KLRG1: variants seen among roughly 807,000 people sequenced by gnomAD.
The protein encoded by KLRG1 is killer cell lectin-like receptor subfamily G member 1.
In KLRG1, 16 loss-of-function variants were observed where a neutral mutation model predicts 21.8. The ratio of observed to expected loss-of-function variants is 0.73; its 90% CI spans 0.50 to 1.11. The LOEUF (loss-of-function observed/expected upper bound fraction) is 1.11. Ranked by LOEUF, KLRG1 falls within the 50% of genes most tolerant of loss-of-function variation. The pLI, the probability that KLRG1 is intolerant of heterozygous loss-of-function variation, is 0.00. For synonymous variants in KLRG1, 69 were observed against 75.9 expected, an observed-to-expected ratio of 0.91 and a Z score of 0.47; for missense variants, 173 against 218.3, an observed-to-expected ratio of 0.79 and a Z score of 1.31.
the KLRG1 span, among the ~76,000 whole-genome samples, chr12:9,023,817 G>A: frequency 1.3e-5 from 2 of 151,770 alleles, no homozygotes; most frequent in East Asian, 3.9e-4. Flanking sequence ...TGGCCTCCTG[G>A]GCTGCTGGGA....
chr12:9,192,488 T>C, the KLRG1 span: 2 of 1,592,530 alleles, frequency 1.3e-6, no homozygotes, highest in Non-Finnish European at 1.7e-6. Context: ...AAGCTGCAAT[T>C]GTATTCCATG....
the KLRG1 span, chr12:9,077,530 A>T: frequency 6.8e-7 from 1 of 1,463,098 alleles, no homozygotes; most frequent in Non-Finnish European, 9.4e-7. Context: ...ATCCATCCCT[A>T]TAGGGCAAAG....
At chr12:9,113,558 G>T in the KLRG1 span, 1 of 1,609,270 alleles carries the variant, frequency 6.2e-7, no homozygotes, top group Non-Finnish European at 8.5e-7. Flanking sequence ...GAATGAGACG[G>T]TTCAGTTAGA....
At chr12:9,109,856 A>G in the KLRG1 span, 3 of 1,581,582 alleles carry the variant, frequency 1.9e-6, no homozygotes, top group Non-Finnish European at 8.6e-7. Context: ...ATGACTTTTC[A>G]TGATCCATAC....
the KLRG1 span, chr12:9,150,676 G>A: frequency 6.2e-7 from 1 of 1,611,410 alleles, no homozygotes; most frequent in Non-Finnish European, 8.5e-7. Flanking sequence ...TTTAACAATT[G>A]CTGGCTTCAA....
the KLRG1 span, chr12:9,107,510 A>G: frequency 6.2e-7 from 1 of 1,613,392 alleles, no homozygotes; most frequent in African/African-American, 1.3e-5. Flanking sequence ...TAGAAAAAAT[A>G]GTGTTCAACC....
intron 1 of KLRG1, among the ~76,000 whole-genome samples, chr12:8,952,198 A>G (rs957301234): frequency 2.6e-5 from 4 of 152,194 alleles, no homozygotes; most frequent in African/African-American, 9.7e-5. Context: ...TAAATTGTTC[A>G]CCTTGTTTAG....
At chr12:9,072,467 A>G in the KLRG1 span, 3 of 1,612,210 alleles carry the variant, frequency 1.9e-6, no homozygotes, top group Non-Finnish European at 2.5e-6. Flanking sequence ...TTCTGGGAGA[A>G]TATTGTATTT....
the KLRG1 span, among the ~76,000 whole-genome samples, chr12:9,035,406 A>G: frequency 1.3e-5 from 2 of 151,936 alleles, no homozygotes; most frequent in African/African-American, 2.4e-5. Flanking sequence ...ATGAGAACAC[A>G]TGGACACAGG....
the KLRG1 span, chr12:9,089,112 G>C: frequency 9.3e-7 from 1 of 1,076,400 alleles, no homozygotes; most frequent in Non-Finnish European, 1.3e-6. Context: ...TTAGATCACA[G>C]AGAAAGTGTA....
intron 2 of KLRG1, among the ~76,000 whole-genome samples, chr12:8,993,655 A>G (rs1457536868): frequency 6.6e-6 from 1 of 152,162 alleles, no homozygotes; most frequent in Non-Finnish European, 1.5e-5. Context: ...ACCTTTGACA[A>G]AAAGGAACTC....
upstream of KLRG1, among the ~76,000 whole-genome samples, chr12:8,985,255 A>AT (rs35429147): frequency 4.0e-4 from 60 of 149,416 alleles, no homozygotes; most frequent in South Asian, 8.5e-4. Context: ...GAATTATCTG[A>AT]TTTTTTTTTT....
chr12:9,158,704 G>T, the KLRG1 span: 2 of 875,264 alleles, frequency 2.3e-6, no homozygotes. Flanking sequence ...CTGAGAGTTT[G>T]GAGACTTTTT....
downstream of KLRG1, among the ~76,000 whole-genome samples, chr12:9,011,563 G>T (rs773501181): frequency 6.6e-6 from 1 of 152,292 alleles, no homozygotes; most frequent in Non-Finnish European, 1.5e-5. Context: ...CACAGGAGGA[G>T]GTGGAGCAAG....
At chr12:9,192,411 A>G in the KLRG1 span, 1 of 1,287,506 alleles carries the variant, frequency 7.8e-7, no homozygotes, top group Non-Finnish European at 1.1e-6. Context: ...CAAGAACACA[A>G]GGTGGCTGTG....
chr12:9,153,512 C>A, the KLRG1 span, among the ~76,000 whole-genome samples: 2 of 152,340 alleles, frequency 1.3e-5, 1 homozygote, highest in South Asian at 4.1e-4. Context: ...TTATCAAAAT[C>A]ATGCTGCAGT....
chr12:9,113,384 G>T, the KLRG1 span: 1 of 1,613,502 alleles, frequency 6.2e-7, no homozygotes, highest in Non-Finnish European at 8.5e-7. Context: ...AGTGGAGTAC[G>T]TCATTCTCCG....
chr12:8,993,081 A>ATT (rs35555710), intron 2 of KLRG1, among the ~76,000 whole-genome samples: 26 of 128,998 alleles, frequency 2.0e-4, no homozygotes, highest in African/African-American at 6.2e-4. Context: ...AACATTCTGA[A>ATT]TTTTTTTTTT....
chr12:9,154,637 T>C, the KLRG1 span: 6 of 1,614,186 alleles, frequency 3.7e-6, no homozygotes, highest in Non-Finnish European at 5.1e-6. Context: ...AGAAACCACC[T>C]TGGGCGTTCT....
Sources: gnomAD v4.1 joint callset for allele counts (sites outside exome capture counted in the v4.1 genomes callset) on GRCh38, gnomAD v4.1.1 for gene constraint, MANE v1.5 for transcripts, NCBI Gene and HGNC (gene_info 2026-07-23, HGNC 2026-07-21) for gene names.